Variants in PDZRN4 observed in about 807,000 individuals in gnomAD.
PDZRN4 encodes PDZ domain containing ring finger 4, also known as PDZ domain-containing RING finger protein 4.
A neutral mutation model predicts 99.0 loss-of-function variants in PDZRN4; 70 were observed. The ratio of observed to expected loss-of-function variants is 0.71; its 90% CI spans 0.58 to 0.86. The LOEUF (loss-of-function observed/expected upper bound fraction) is 0.86. PDZRN4 is among the 40% of genes least tolerant of loss of function. The pLI is 0.00. For synonymous variants in PDZRN4, 551 were observed against 501.6 expected, an observed-to-expected ratio of 1.10 and a Z score of -1.32; for missense variants, 1,474 against 1,331.2, an observed-to-expected ratio of 1.11 and a Z score of -1.67.
intron 3 of PDZRN4, among the ~76,000 whole-genome samples, chr12:41,311,688 A>T (rs1951607760): frequency 6.6e-6 from 1 of 152,216 alleles, no homozygotes; most frequent in Admixed American, 6.5e-5. Flanking sequence ...AAATTTAAAA[A>T]TATGTATGAA....
chr12:41,500,053 A>C (rs893502465), intron 3 of PDZRN4, among the ~76,000 whole-genome samples: 1 of 151,974 alleles, frequency 6.6e-6, no homozygotes, highest in Non-Finnish European at 1.5e-5. Context: ...AAGGAAACAC[A>C]CAAGTCAGGA....
At chr12:41,535,139 C>T (rs561724878) in intron 5 of PDZRN4, among the ~76,000 whole-genome samples, 1 of 151,926 alleles carries the variant, frequency 6.6e-6, no homozygotes, top group Admixed American at 6.6e-5. Context: ...TTTGCAATCC[C>T]TTCTCATATT....
At chr12:41,525,935 A>T (rs954998416) in intron 5 of PDZRN4, among the ~76,000 whole-genome samples, 2 of 152,044 alleles carry the variant, frequency 1.3e-5, no homozygotes, top group African/African-American at 4.8e-5. Context: ...TAGTACTTTG[A>T]TTCTCTGCCA....
At chr12:41,474,036 G>C (rs1234953251) in intron 3 of PDZRN4, among the ~76,000 whole-genome samples, 6 of 152,196 alleles carry the variant, frequency 3.9e-5, no homozygotes, top group Admixed American at 3.9e-4. Context: ...GTAACTAAAA[G>C]AACAGCACAG....
intron 3 of PDZRN4, among the ~76,000 whole-genome samples, chr12:41,202,175 G>C (rs762305666): frequency 2.6e-5 from 4 of 152,078 alleles, no homozygotes; most frequent in Non-Finnish European, 5.9e-5. Context: ...GCTTCCTAGA[G>C]CACTGGGGAT....
intron 3 of PDZRN4, among the ~76,000 whole-genome samples, chr12:41,466,926 T>A (rs1205060463): frequency 6.6e-6 from 1 of 152,206 alleles, no homozygotes; most frequent in African/African-American, 2.4e-5. Context: ...TGGCAGGTCA[T>A]TCCCAGTGCA....
At chr12:41,565,348 A>T (rs962749574) in intron 8 of PDZRN4, among the ~76,000 whole-genome samples, 1 of 152,112 alleles carries the variant, frequency 6.6e-6, no homozygotes, top group Non-Finnish European at 1.5e-5. Context: ...AGAAAAAAAA[A>T]ACAGATTTCC....
In PDZRN4 at chr12:41,573,664, T is replaced by C. The variant is rs773762238; in HGVS notation, c.2885T>C (p.Phe962Ser). The change falls in exon 10 of 10, where the codon TTC becomes TCC. Residue 962 changes from phenylalanine to serine, a missense_variant. Transcript: ENST00000402685. Reference protein sequence around the residue: ...RAKEQRRRREFMMRSRLECLK... With the variant: ...RAKEQRRRRESMMRSRLECLK... ...AAAGAGCAGCGCCGTCGCCGTGAGTTCATGATGCGAAGCAGGTTAGAGTGT... is the reference window on the plus strand; with the variant it reads ...AAAGAGCAGCGCCGTCGCCGTGAGTCCATGATGCGAAGCAGGTTAGAGTGT... 6.2e-7 allele frequency: 1 copy of C among 1,613,864 alleles called. No individual in the cohort carries two copies. Among genetic ancestry groups the C allele is most frequent in the Non-Finnish European group, 8.5e-7 (1 of 1,179,964 alleles).
At chr12:41,533,658 C>T (rs1041052043) in intron 5 of PDZRN4, among the ~76,000 whole-genome samples, 3 of 152,102 alleles carry the variant, frequency 2.0e-5, no homozygotes, top group African/African-American at 7.2e-5. Flanking sequence ...TTCTAACTTC[C>T]TGAAGCTTCT....
In PDZRN4 at chr12:41,480,041, C is replaced by T. The variant is rs11180947; in HGVS notation, c.844-26415C>T. ...TTGCATATTTTAAGTCTGTATAATGCTCATGAAATATTGGTGTAGAATTCT... is the reference window on the plus strand; with the variant it reads ...TTGCATATTTTAAGTCTGTATAATGTTCATGAAATATTGGTGTAGAATTCT... On this transcript the variant is annotated intron_variant, in intron 3 of 9. Coordinates refer to ENST00000402685, the MANE Select transcript of PDZRN4 (RefSeq NM_001164595.2). Among the ~76,000 whole-genome samples, 806 of 152,232 alleles carry T rather than the reference C, an allele frequency of 5.3e-3. 41 individuals are homozygous for T. The East Asian group carries it at 0.13, about 24-fold the overall frequency.
At chr12:41,472,164 C>T (rs1020759589) in intron 3 of PDZRN4, among the ~76,000 whole-genome samples, 6 of 152,150 alleles carry the variant, frequency 3.9e-5, no homozygotes, top group East Asian at 1.9e-4. Flanking sequence ...CCACCACACC[C>T]AGCTAATTTT....
intron 3 of PDZRN4, among the ~76,000 whole-genome samples, chr12:41,315,244 A>G (rs1951630732): frequency 1.3e-5 from 2 of 152,196 alleles, no homozygotes; most frequent in Admixed American, 1.3e-4. Flanking sequence ...TGCCTACTTC[A>G]TAACAATGAA....
intron 3 of PDZRN4, among the ~76,000 whole-genome samples, chr12:41,248,731 G>A (rs1951149554): frequency 6.6e-6 from 1 of 152,150 alleles, no homozygotes. Flanking sequence ...CATTCTACCA[G>A]CAGTCTTAGA....
At chr12:41,321,871 T>C (rs571102587) in intron 3 of PDZRN4, among the ~76,000 whole-genome samples, 1 of 152,312 alleles carries the variant, frequency 6.6e-6, no homozygotes, top group Non-Finnish European at 1.5e-5. Flanking sequence ...TATTGGGATT[T>C]ACGGTTGGAA....
At chr12:41,441,916 A>T (rs1952683593) in intron 3 of PDZRN4, among the ~76,000 whole-genome samples, 1 of 152,032 alleles carries the variant, frequency 6.6e-6, no homozygotes, top group Non-Finnish European at 1.5e-5. Flanking sequence ...CCCAGCATCA[A>T]TTCCTGCCTT....
intron 3 of PDZRN4, among the ~76,000 whole-genome samples, chr12:41,359,709 G>C (rs1272887797): frequency 6.6e-6 from 1 of 151,922 alleles, no homozygotes; most frequent in Non-Finnish European, 1.5e-5. Context: ...CACCATGATT[G>C]TGAGGCCTCC....
chr12:41,556,446 T>C (rs1939164185), intron 7 of PDZRN4, among the ~76,000 whole-genome samples: 1 of 152,224 alleles, frequency 6.6e-6, no homozygotes, highest in African/African-American at 2.4e-5. Context: ...TACAAATCTG[T>C]ACAGCATGTT....
intron 3 of PDZRN4, among the ~76,000 whole-genome samples, chr12:41,376,231 A>G (rs949220944): frequency 6.6e-6 from 1 of 152,084 alleles, no homozygotes; most frequent in African/African-American, 2.4e-5. Context: ...TGTTTCCTTC[A>G]GATTTATACC....
chr12:41,302,455 G>C (rs1424457399), intron 3 of PDZRN4, among the ~76,000 whole-genome samples: 1 of 152,018 alleles, frequency 6.6e-6, no homozygotes, highest in Non-Finnish European at 1.5e-5. Context: ...ATATTTCCAG[G>C]ATGTTTTGTG....
Sources: allele counts gnomAD v4.1 joint callset (sites outside exome capture counted in the v4.1 genomes callset), GRCh38; gene constraint gnomAD v4.1.1; transcripts MANE v1.5; gene names NCBI Gene and HGNC (gene_info 2026-07-23, HGNC 2026-07-21).